Variants in SPECC1 observed in about 807,000 individuals in gnomAD.
SPECC1 encodes cytospin-B.
In SPECC1, 62 loss-of-function variants were observed where a neutral mutation model predicts 104.1. The ratio of observed to expected loss-of-function variants is 0.60; its 90% CI spans 0.49 to 0.74. SPECC1 has a LOEUF of 0.74. Among genes scored for constraint, SPECC1 ranks in the 30% least tolerant of loss-of-function variants. The pLI is 0.00. For synonymous variants in SPECC1, 513 were observed against 501.6 expected (o/e 1.02, Z -0.30); for missense variants, 1,306 against 1,310.5 (o/e 1.00, Z 0.05).
At chr17:20,194,502 A>ATTATTTATTTTTTTTTTTTT in intron 3 of SPECC1, among the ~76,000 whole-genome samples, 1 of 86,536 alleles carries the variant, frequency 1.2e-5, no homozygotes, top group African/African-American at 5.3e-5. Flanking sequence ...AAGAGAACGA[A>ATTATTTATTTTTTTTTTTTT]TTTTTTTTTT....
chr17:20,179,510 G>T (rs1196507997), intron 3 of SPECC1, among the ~76,000 whole-genome samples: 1 of 152,242 alleles, frequency 6.6e-6, no homozygotes, highest in Admixed American at 6.5e-5. Flanking sequence ...TATTTAATGG[G>T]AGGTAGACCC....
chr17:20,229,337 C>G (rs2038428465), intron 5 of SPECC1, among the ~76,000 whole-genome samples: 1 of 152,050 alleles, frequency 6.6e-6, no homozygotes, highest in Non-Finnish European at 1.5e-5. Flanking sequence ...AGCTCTTGTC[C>G]CGTTGTGCGT....
intron 3 of SPECC1, among the ~76,000 whole-genome samples, chr17:20,146,852 G>A (rs1439838975): frequency 6.6e-6 from 1 of 152,160 alleles, no homozygotes; most frequent in Non-Finnish European, 1.5e-5. Flanking sequence ...GTTGCAGTGA[G>A]CTGAGATTGC....
intron 12 of SPECC1, among the ~76,000 whole-genome samples, chr17:20,282,446 A>G (rs1029179360): frequency 1.3e-5 from 2 of 152,246 alleles, no homozygotes; most frequent in Non-Finnish European, 2.9e-5. Flanking sequence ...AGGAACATTT[A>G]AAAAGTGAAT....
intron 3 of SPECC1, among the ~76,000 whole-genome samples, chr17:20,172,119 C>T (rs1002013628): frequency 2.0e-5 from 3 of 152,200 alleles, no homozygotes; most frequent in Non-Finnish European, 4.4e-5. Flanking sequence ...ACTGCACAAG[C>T]ATGTGGTCAG....
intron 4 of SPECC1, among the ~76,000 whole-genome samples, chr17:20,206,608 G>A (rs1223633281): frequency 6.6e-6 from 1 of 151,998 alleles, no homozygotes; most frequent in Non-Finnish European, 1.5e-5. Flanking sequence ...TATTTACCCT[G>A]TTGTTGAACA....
intron 13 of SPECC1, among the ~76,000 whole-genome samples, chr17:20,300,479 C>T (rs994595110): frequency 2.0e-5 from 3 of 152,258 alleles, no homozygotes; most frequent in Admixed American, 2.0e-4. Flanking sequence ...CCCACACATG[C>T]ACACACCTAC....
intron 12 of SPECC1, among the ~76,000 whole-genome samples, chr17:20,292,646 C>T (rs1488805610): frequency 6.6e-6 from 1 of 152,204 alleles, no homozygotes; most frequent in East Asian, 1.9e-4. Context: ...ATTTCTAAAG[C>T]AGTGTCCAGG....
At chr17:20,280,734 A>G (rs2151668804) in intron 12 of SPECC1, among the ~76,000 whole-genome samples, 1 of 152,326 alleles carries the variant, frequency 6.6e-6, no homozygotes, top group East Asian at 1.9e-4. Flanking sequence ...AAACAGCCAC[A>G]TGGGGCTGGT....
chr17:20,028,942 A>G (rs2044704466), intron 1 of SPECC1, among the ~76,000 whole-genome samples: 1 of 152,068 alleles, frequency 6.6e-6, no homozygotes, highest in South Asian at 2.1e-4. Flanking sequence ...TTGTATTTTT[A>G]GAAGAGATAG....
At chr17:20,143,731 T>C (rs968906320) in intron 3 of SPECC1, among the ~76,000 whole-genome samples, 2 of 151,660 alleles carry the variant, frequency 1.3e-5, no homozygotes, top group African/African-American at 2.4e-5. Flanking sequence ...CTTTCAGCGG[T>C]GGTACCTTCG....
intron 1 of SPECC1, among the ~76,000 whole-genome samples, chr17:20,032,277 CA>C (rs1386533309): frequency 6.6e-6 from 1 of 152,020 alleles, no homozygotes; most frequent in African/African-American, 2.4e-5. Context: ...ACTTGGAATT[CA>C]TTGAGTTTCT....
In SPECC1 at chr17:20,263,940, G is replaced by A. The variant is rs371761270; in HGVS notation, c.2940+3646G>A. On this transcript the variant is annotated intron_variant, in intron 12 of 14. Transcript: ENST00000395527. Reference sequence around the variant, plus strand: ...TGGATTCGTTTTCAAAACATTTTACGTTTGATGAAACCCAAAACTCATTTT... The same window carrying A: ...TGGATTCGTTTTCAAAACATTTTACATTTGATGAAACCCAAAACTCATTTT... Among the ~76,000 whole-genome samples, 54 of 152,092 alleles carry A rather than the reference G, an allele frequency of 3.6e-4. No individual in the cohort carries two copies. In the South Asian group the frequency reaches 1.0e-2, roughly 28 times the overall value.
intron 1 of SPECC1, among the ~76,000 whole-genome samples, chr17:20,015,986 TGG>T (rs2044109504): frequency 6.7e-6 from 1 of 149,384 alleles, no homozygotes; most frequent in Non-Finnish European, 1.5e-5. Context: ...CCGAGGCGGA[TGG>T]ATCACGAGGT....
intron 12 of SPECC1, among the ~76,000 whole-genome samples, chr17:20,272,092 G>A (rs1021045020): frequency 4.0e-5 from 6 of 150,686 alleles, no homozygotes; most frequent in African/African-American, 1.2e-4. Flanking sequence ...CTTAAGTTTT[G>A]TGTTTTCTAT....
intron 1 of SPECC1, among the ~76,000 whole-genome samples, chr17:20,092,621 C>T (rs2047451525): frequency 6.6e-6 from 1 of 152,134 alleles, no homozygotes; most frequent in South Asian, 2.1e-4. Context: ...TTAATTGACC[C>T]ATCACTGTGT....
chr17:20,215,622 AT>A (rs1452347945), intron 4 of SPECC1, among the ~76,000 whole-genome samples: 1 of 152,184 alleles, frequency 6.6e-6, no homozygotes, highest in African/African-American at 2.4e-5. Flanking sequence ...AGATTAAATG[AT>A]TTCTCATAGC....
At chr17:20,290,700 A>AGACGTGT (rs1232764840) in intron 12 of SPECC1, among the ~76,000 whole-genome samples, 1 of 152,022 alleles carries the variant, frequency 6.6e-6, no homozygotes, top group Non-Finnish European at 1.5e-5. Context: ...TTTTTTTGGT[A>AGACGTGT]GACGTGAGGT....
chr17:20,276,239 C>T lies in SPECC1; in HGVS notation c.2940+15945C>T, dbSNP rs145487421. ...TCAAGCAATCCTCTTTTCTTAGCCT[C>T]CTAAGTAGCTGGGTCTACAGGTACA... On this transcript the variant is annotated intron_variant, in intron 12 of 14. Coordinates refer to ENST00000395527, the MANE Select transcript of SPECC1 (RefSeq NM_001243439.2). Among the ~76,000 whole-genome samples, 964 of 152,216 alleles carry T rather than the reference C, an allele frequency of 6.3e-3. 10 individuals carry two copies. The highest frequency in any genetic ancestry group is 0.022 in the African/African-American group (916 of 41,522).
Sources: gnomAD v4.1 joint callset for allele counts (sites outside exome capture counted in the v4.1 genomes callset) on GRCh38, gnomAD v4.1.1 for gene constraint, MANE v1.5 for transcripts, NCBI Gene and HGNC (gene_info 2026-07-23, HGNC 2026-07-21) for gene names.